Variants in SPAG16 observed in about 807,000 individuals in gnomAD.
SPAG16 encodes sperm associated antigen 16.
A neutral mutation model predicts 80.4 loss-of-function variants in SPAG16; 86 were observed. The ratio of observed to expected loss-of-function variants is 1.07; its 90% CI spans 0.90 to 1.28. SPAG16 has a LOEUF of 1.28. Among genes scored for constraint, SPAG16 ranks in the 50% most tolerant of loss-of-function variants. SPAG16 has a pLI of 0.00. For missense variants in SPAG16, 870 were observed against 765.3 expected (o/e 1.14, Z -1.61); for synonymous variants, 294 against 265.9 (o/e 1.11, Z -1.03).
chr2:214,180,442 G>A (rs1009337325), intron 15 of SPAG16, among the ~76,000 whole-genome samples: 12 of 151,632 alleles, frequency 7.9e-5, no homozygotes, highest in Admixed American at 7.3e-4. Flanking sequence ...ATATAGTCCT[G>A]TTATAATCAT....
intron 10 of SPAG16, among the ~76,000 whole-genome samples, chr2:213,743,897 A>G (rs944655027): frequency 1.3e-5 from 2 of 152,038 alleles, no homozygotes; most frequent in Non-Finnish European, 2.9e-5. Flanking sequence ...TTCTTCATGT[A>G]TTTTAACTTC....
intron 15 of SPAG16, among the ~76,000 whole-genome samples, chr2:214,279,032 T>C (rs1199698055): frequency 6.6e-6 from 1 of 152,030 alleles, no homozygotes; most frequent in Non-Finnish European, 1.5e-5. Flanking sequence ...AGAGGAACAG[T>C]AATTGGATGT....
chr2:213,869,661 T>TG (rs1553648951), intron 11 of SPAG16, among the ~76,000 whole-genome samples: 3,452 of 142,596 alleles, frequency 0.024, 68 homozygotes, highest in African/African-American at 0.042. Context: ...TTTTTTTTTT[T>TG]GTCTAATTCC....
intron 10 of SPAG16, among the ~76,000 whole-genome samples, chr2:213,713,835 T>G (rs1436879126): frequency 6.6e-6 from 1 of 152,202 alleles, no homozygotes; most frequent in Non-Finnish European, 1.5e-5. Context: ...CAATGAACTT[T>G]AATTGAAATT....
At chr2:213,373,710 A>G (rs6435773) in intron 8 of SPAG16, among the ~76,000 whole-genome samples, 9,083 of 152,140 alleles carry the variant, frequency 0.06, 898 homozygotes, top group African/African-American at 0.21. Context: ...TTCCTCTGAT[A>G]TTACTATATG....
At chr2:214,295,073 G>A (rs1013112673) in intron 15 of SPAG16, among the ~76,000 whole-genome samples, 1 of 152,200 alleles carries the variant, frequency 6.6e-6, no homozygotes, top group Non-Finnish European at 1.5e-5. Flanking sequence ...ATTTGGAGAG[G>A]TTGAGGAGTA....
chr2:214,322,821 C>T (rs763079149), intron 15 of SPAG16, among the ~76,000 whole-genome samples: 26 of 152,222 alleles, frequency 1.7e-4, no homozygotes, highest in African/African-American at 5.5e-4. Flanking sequence ...CTTACAATCA[C>T]GCTGGGAAGC....
intron 10 of SPAG16, among the ~76,000 whole-genome samples, chr2:213,697,091 T>A (rs2125312666): frequency 6.6e-6 from 1 of 152,258 alleles, no homozygotes; most frequent in South Asian, 2.1e-4. Context: ...CAGGGACACT[T>A]CATTTATTGT....
intron 14 of SPAG16, among the ~76,000 whole-genome samples, chr2:214,115,244 A>C (rs1227660830): frequency 6.6e-6 from 1 of 152,090 alleles, no homozygotes; most frequent in Admixed American, 6.5e-5. Flanking sequence ...GAGTGCAGGG[A>C]CTCCCACAGG....
At position 213,387,431 on chromosome 2, in the gene SPAG16, C is replaced by CTTTTTTTTTTTTTTTTTTT. The variant is rs71060428; in HGVS notation, c.942+12323_942+12341dup. Among the ~76,000 whole-genome samples the CTTTTTTTTTTTTTTTTTTT allele has an allele frequency of 4.2e-4, 20 of 47,914 alleles. 6 individuals carry two copies. The highest frequency in any genetic ancestry group is 0.029 in the Middle Eastern group (2 of 70). 31.4% of individuals were successfully genotyped at this position (47,914 alleles called of 152,430 possible). A position where few individuals can be genotyped will look rare whatever the true frequency, so the allele number is the denominator to read the frequency against. On this transcript the variant is annotated intron_variant, in intron 9 of 15. Transcript: ENST00000331683. ...TTTGGGTTGGAATGAAATGCATGCT[C>CTTTTTTTTTTTTTTTTTTT]TTTTTTTTTTTTTTTTTTTTTTTTT... is the stretch of plus-strand genomic sequence containing the variant.
intron 12 of SPAG16, among the ~76,000 whole-genome samples, chr2:214,009,438 C>A (rs1020951933): frequency 2.0e-5 from 3 of 152,056 alleles, no homozygotes; most frequent in African/African-American, 7.2e-5. Flanking sequence ...AGTTCAATGC[C>A]AGTAAAAATT....
At chr2:213,327,147 A>C (rs1485720940) in intron 5 of SPAG16, among the ~76,000 whole-genome samples, 1 of 114,952 alleles carries the variant, frequency 8.7e-6, no homozygotes, top group East Asian at 2.6e-4. Context: ...TACTTGAAAC[A>C]ATGTCTGTTT....
intron 9 of SPAG16, among the ~76,000 whole-genome samples, chr2:213,428,862 T>C (rs531115538): frequency 6.6e-6 from 1 of 151,908 alleles, no homozygotes; most frequent in African/African-American, 2.4e-5. Context: ...GAGGCTGAGG[T>C]GGGCAGGTCA....
chr2:214,105,608 A>G (rs2125395433), intron 13 of SPAG16, among the ~76,000 whole-genome samples: 1 of 152,308 alleles, frequency 6.6e-6, no homozygotes, highest in East Asian at 1.9e-4. Context: ...TCTGAATCAA[A>G]TGCTGGAGCA....
chr2:213,298,316 A>G (rs1049383210), intron 3 of SPAG16, among the ~76,000 whole-genome samples: 46 of 152,214 alleles, frequency 3.0e-4, no homozygotes, highest in African/African-American at 1.0e-3. Flanking sequence ...AATCTATTCC[A>G]TAGACTTAGT....
intron 6 of SPAG16, among the ~76,000 whole-genome samples, chr2:213,341,409 A>G (rs1367573302): frequency 6.6e-6 from 1 of 152,150 alleles, no homozygotes; most frequent in Non-Finnish European, 1.5e-5. Flanking sequence ...GTCACATTTT[A>G]CCCAAATACA....
At chr2:213,391,691 T>C (rs1202140145) in intron 9 of SPAG16, among the ~76,000 whole-genome samples, 2 of 152,214 alleles carry the variant, frequency 1.3e-5, no homozygotes, top group Non-Finnish European at 1.5e-5. Flanking sequence ...AGATAAAAGA[T>C]CTCTAATTTT....
intron 15 of SPAG16, among the ~76,000 whole-genome samples, chr2:214,328,483 A>C (rs946954259): frequency 1.3e-5 from 2 of 152,142 alleles, no homozygotes; most frequent in African/African-American, 4.8e-5. Context: ...TCTTTGAGAA[A>C]ATTTTGGTTG....
intron 10 of SPAG16, among the ~76,000 whole-genome samples, chr2:213,705,843 C>T (rs1014429145): frequency 3.3e-5 from 5 of 151,944 alleles, no homozygotes; most frequent in Non-Finnish European, 1.5e-5. Context: ...AGCAAGCTCC[C>T]AATGAAACCA....
Sources: gnomAD v4.1 joint callset for allele counts (sites outside exome capture counted in the v4.1 genomes callset) on GRCh38, gnomAD v4.1.1 for gene constraint, MANE v1.5 for transcripts, NCBI Gene and HGNC (gene_info 2026-07-23, HGNC 2026-07-21) for gene names.